Variants in TEX101 observed in about 807,000 individuals in gnomAD.
TEX101 encodes the protein testis-expressed protein 101.
TEX101 carries 10 observed loss-of-function variants against 18.1 expected under a neutral mutation model. The ratio of observed to expected loss-of-function variants is 0.55; its 90% CI spans 0.34 to 0.94. The LOEUF is 0.94. Ranked by LOEUF, TEX101 falls within the 40% of genes least tolerant of loss-of-function variation. TEX101 has a pLI of 0.02. For missense variants in TEX101, 259 were observed against 298.9 expected, an observed-to-expected ratio of 0.87 and a Z score of 0.98; for synonymous variants, 94 against 114.8, an observed-to-expected ratio of 0.82 and a Z score of 1.16.
rs1007744441 is a variant in TEX101 at position 43,414,922 on chromosome 19, C to T, written c.-156C>T. ...TGCCAAGCCCGGGGAGAAGGCGTTC[C>T]GGGCCTCAACTTTGGCGTCGTGAGA... On this transcript the variant is annotated 5_prime_UTR_variant, in exon 1 of 6. Coordinates refer to ENST00000598265, the MANE Select transcript of TEX101 (RefSeq NM_001130011.3). 2.2e-5 allele frequency: 22 copies of T among 985,340 alleles called. No individual in the cohort carries two copies. The highest frequency in any genetic ancestry group is 2.1e-4 in the African/African-American group (12 of 57,236). The allele number at this position is 985,340 out of a possible 1,614,324, so 61.0% of individuals were successfully genotyped here. A position where few individuals can be genotyped will look rare whatever the true frequency, so the allele number is the denominator to read the frequency against.
chr19:43,414,411 C>T (rs1453743231), upstream of TEX101, among the ~76,000 whole-genome samples: 4 of 152,136 alleles, frequency 2.6e-5, no homozygotes, highest in Non-Finnish European at 5.9e-5. Context: ...ATGAAGACGC[C>T]TGGGCTGCAC....
At chr19:43,403,908 G>A (rs1042925829) in intron 2 of TEX101, among the ~76,000 whole-genome samples, 15 of 151,902 alleles carry the variant, frequency 9.9e-5, no homozygotes, top group African/African-American at 3.1e-4. Context: ...GCATGGTGGC[G>A]GGCACCTGTA....
At chr19:43,418,102 G>A in intron 5 of TEX101, 66 bp from the exon 6 acceptor site, 1 of 1,610,966 alleles carries the variant, frequency 6.2e-7, no homozygotes, top group South Asian at 1.1e-5. Flanking sequence ...GGGATGAGGG[G>A]GGACTGGATT....
upstream of TEX101, among the ~76,000 whole-genome samples, chr19:43,413,094 G>C (rs998344128): frequency 6.6e-6 from 1 of 152,120 alleles, no homozygotes; most frequent in African/African-American, 2.4e-5. Context: ...ATATGAAAAA[G>C]CATTGCAAAA....
At chr19:43,406,933 T>G (rs1287577942) in intron 3 of TEX101, among the ~76,000 whole-genome samples, 9 of 117,038 alleles carry the variant, frequency 7.7e-5, no homozygotes, top group Non-Finnish European at 1.7e-5. Flanking sequence ...TGTTTTTTGT[T>G]TTTTTTTTTT....
chr19:43,392,173 GAC>G, the TEX101 span, among the ~76,000 whole-genome samples: 1 of 152,062 alleles, frequency 6.6e-6, no homozygotes, highest in African/African-American at 2.4e-5. Flanking sequence ...TACAGAGAGA[GAC>G]AGAGAGCAAA....
intron 2 of TEX101, among the ~76,000 whole-genome samples, chr19:43,406,029 G>C (rs181489857): frequency 1.4e-5 from 2 of 140,888 alleles, no homozygotes; most frequent in Admixed American, 7.5e-5. Flanking sequence ...AGGATCACTT[G>C]AGGCCAGGAG....
Position 43,418,027 on chromosome 19 carries a change from GAT to G in TEX101, c.520+23_520+24del, listed in dbSNP as rs780129599. 87 of 1,614,016 alleles carry G rather than the reference GAT, an allele frequency of 5.4e-5. 1 individual carries two copies. Among genetic ancestry groups the G allele is most frequent in the Non-Finnish European group, 6.3e-5 (74 of 1,180,042 alleles). On this transcript the variant is annotated intron_variant, in intron 5 of 5. Transcript: ENST00000598265. ...TGGAGGTAAACTGAAATGAACATCT[GAT>G]AGTTTCAGAGGCTGGAAAACCATTT...
chr19:43,411,707 A>G (rs527416446), upstream of TEX101, among the ~76,000 whole-genome samples: 1 of 151,512 alleles, frequency 6.6e-6, no homozygotes, highest in Non-Finnish European at 1.5e-5. Context: ...CTGGAGTGCA[A>G]TGGTGCAGTC....
At chr19:43,391,443 C>A in the TEX101 span, among the ~76,000 whole-genome samples, 1 of 129,330 alleles carries the variant, frequency 7.7e-6, no homozygotes, top group Admixed American at 9.0e-5. Context: ...GAACAACCAT[C>A]GTAATGGATG....
At position 43,418,462 on chromosome 19, in the gene TEX101, G is replaced by A; in HGVS notation, c.*65G>A. ...GACTGGGAGCCTTCTTACTGTTGAG[G>A]TTCAACAAGCTGAGGAGTAGATGGG... On this transcript the variant is annotated 3_prime_UTR_variant, in exon 6 of 6. Coordinates refer to ENST00000598265, the MANE Select transcript of TEX101 (RefSeq NM_001130011.3). The A allele has an allele frequency of 7.2e-7, 1 of 1,382,256 alleles. No homozygotes were observed. The allele number at this position is 1,382,256 out of a possible 1,614,324, so 85.6% of individuals were successfully genotyped here.
chr19:43,401,553 T>C (rs1970318108), exon 1 of TEX101: 1 of 152,236 alleles, frequency 6.6e-6, no homozygotes, highest in Middle Eastern at 3.2e-3. Context: ...GAAGAGAACT[T>C]TGGGCCAGGT....
Position 43,417,878 on chromosome 19 carries a change from C to T in TEX101, c.392C>T (p.Ala131Val). The T allele has an allele frequency of 6.2e-7, 1 of 1,614,106 alleles. No individual in the cohort carries two copies. Among genetic ancestry groups the T allele is most frequent in the Non-Finnish European group, 8.5e-7 (1 of 1,179,940 alleles). ...SQFWEFSETT[A>V]STVSTTLHCP... ...AACTGTCTCTCTCATTTCCCTCCAG[C>T]TTCCACTGTGTCAACAACCCTCCAT... The change falls in exon 5 of 6, where the codon GCT becomes GTT. Residue 131 changes from alanine (A) to valine (V), a missense_variant and splice_region_variant. Coordinates refer to ENST00000598265, the MANE Select transcript of TEX101 (RefSeq NM_001130011.3).
the TEX101 span, among the ~76,000 whole-genome samples, chr19:43,390,871 A>G: frequency 0.21 from 31,599 of 151,338 alleles, 4,251 homozygotes; most frequent in African/African-American, 0.38. Flanking sequence ...ATATTCCCCA[A>G]CTGGAATTCT....
upstream of TEX101, among the ~76,000 whole-genome samples, chr19:43,413,739 G>A (rs1970440584): frequency 6.6e-6 from 1 of 151,948 alleles, no homozygotes; most frequent in Non-Finnish European, 1.5e-5. Context: ...GATCACCTGA[G>A]GTTAGGAGTT....
chr19:43,403,379 C>A (rs1970334158), intron 2 of TEX101, among the ~76,000 whole-genome samples: 1 of 152,112 alleles, frequency 6.6e-6, no homozygotes, highest in Admixed American at 6.6e-5. Flanking sequence ...ACCACATGTT[C>A]TCACTCATAG....
intron 3 of TEX101, among the ~76,000 whole-genome samples, chr19:43,408,042 T>G (rs1055109025): frequency 3.3e-5 from 5 of 152,206 alleles, no homozygotes; most frequent in Non-Finnish European, 2.9e-5. Context: ...TGCAGAGCCA[T>G]CAATCCTTCC....
rs111533585 is a variant in TEX101 at position 43,415,141 on chromosome 19, G to T, written c.-40+103G>T. ...GGAGGGGACCAGAATGGTGTGTCCC[G>T]CAGGAAAAGGTGGTTGGAACCCAGA... is the stretch of plus-strand genomic sequence containing the variant. On this transcript the variant is annotated intron_variant, in intron 1 of 5. Transcript: ENST00000598265. 61 of 843,360 alleles carry T rather than the reference G, an allele frequency of 7.2e-5. No homozygotes were observed. In the African/African-American group the frequency reaches 1.1e-3, roughly 15 times the overall value. The allele number at this position is 843,360 out of a possible 1,614,324, so 52.2% of individuals were successfully genotyped here.
At chr19:43,401,359 C>T (rs1004396219), upstream of TEX101, 5 of 152,268 alleles carry the variant, frequency 3.3e-5, no homozygotes, top group African/African-American at 9.6e-5. Flanking sequence ...CCTATACAGT[C>T]CTCACAGAGT....
Sources: allele counts gnomAD v4.1 joint callset (sites outside exome capture counted in the v4.1 genomes callset), GRCh38; gene constraint gnomAD v4.1.1; transcripts MANE v1.5; gene names NCBI Gene and HGNC (gene_info 2026-07-23, HGNC 2026-07-21).